Variants in CTNNA2 observed in about 807,000 individuals in gnomAD.
CTNNA2 encodes the protein catenin alpha 2, also known as catenin alpha-2.
CTNNA2 carries 42 observed loss-of-function variants against 101.0 expected under a neutral mutation model. The ratio of observed to expected loss-of-function variants is 0.42; its 90% CI spans 0.32 to 0.54. The LOEUF (loss-of-function observed/expected upper bound fraction) is 0.54, where lower values mean the gene tolerates loss of function less well. CTNNA2 is among the 20% of genes least tolerant of loss of function. CTNNA2 has a pLI of 0.14. For missense variants in CTNNA2, 871 were observed against 1,223.1 expected (o/e 0.71, Z 4.29); for synonymous variants, 450 against 456.4 (o/e 0.99, Z 0.18).
intron 1 of CTNNA2, among the ~76,000 whole-genome samples, chr2:79,644,765 A>G (rs909508197): frequency 5.3e-5 from 8 of 152,064 alleles, no homozygotes; most frequent in Non-Finnish European, 7.4e-5. Flanking sequence ...CTAGTCTAAC[A>G]TTCCTTTATA....
intron 7 of CTNNA2, among the ~76,000 whole-genome samples, chr2:79,939,590 T>A (rs1688009781): frequency 6.6e-6 from 1 of 152,226 alleles, no homozygotes; most frequent in Non-Finnish European, 1.5e-5. Context: ...TTTGTTTTCC[T>A]TGTTTGTAAT....
intron 7 of CTNNA2, among the ~76,000 whole-genome samples, chr2:80,207,395 T>A (rs1707599672): frequency 6.6e-6 from 1 of 152,140 alleles, no homozygotes; most frequent in Non-Finnish European, 1.5e-5. Flanking sequence ...GGAGATATGA[T>A]TTTATGTACT....
At position 79,294,833 on chromosome 2, in the gene CTNNA2, A is replaced by G. The variant is rs150425964; in HGVS notation, c.-405-17876A>G. On this transcript the variant is annotated intron_variant, in intron 2 of 21. Transcript: ENST00000466387. ...ATAATTCTATGTGTGACTATTCTGT[A>G]ATTTATTATCTATTGTGTCATTATC... Among the ~76,000 whole-genome samples the G allele has an allele frequency of 4.5e-3, 683 of 152,178 alleles. 5 individuals are homozygous for G. The highest frequency in any genetic ancestry group is 0.016 in the African/African-American group (654 of 41,530).
rs2103977248 is a variant in CTNNA2, at chr2:80,004,209, A to G, written c.1056+94412A>G. Among the ~76,000 whole-genome samples the G allele has an allele frequency of 1.3e-5, 2 of 152,316 alleles. 1 individual carries two copies. Among genetic ancestry groups the G allele is most frequent in the South Asian group, 4.1e-4 (2 of 4,826 alleles). ...GTCTCCTTTATATTTATTTGGGCGC[A>G]ATAACTATTTCTGAGGAGCATTTCA... On this transcript the variant is annotated intron_variant, in intron 7 of 18. Transcript: ENST00000402739.
intron 7 of CTNNA2, among the ~76,000 whole-genome samples, chr2:80,151,771 A>G (rs1367414782): frequency 1.3e-5 from 2 of 152,094 alleles, no homozygotes; most frequent in African/African-American, 2.4e-5. Flanking sequence ...GCACTACCCA[A>G]TGTTTCTGGC....
chr2:80,363,849 A>G (rs1007481812), intron 7 of CTNNA2, among the ~76,000 whole-genome samples: 3 of 152,132 alleles, frequency 2.0e-5, no homozygotes, highest in Non-Finnish European at 1.5e-5. Flanking sequence ...TATATCAACC[A>G]TTCATTAATC....
chr2:79,669,999 G>A (rs1558821624), intron 2 of CTNNA2, among the ~76,000 whole-genome samples: 2 of 152,204 alleles, frequency 1.3e-5, no homozygotes, highest in African/African-American at 2.4e-5. Context: ...CAGAGCAGAC[G>A]CTGGGAGGAG....
At chr2:79,187,087 A>C (rs1001418234) in intron 1 of CTNNA2, among the ~76,000 whole-genome samples, 5 of 152,080 alleles carry the variant, frequency 3.3e-5, no homozygotes, top group African/African-American at 1.2e-4. Flanking sequence ...TAATGGTGGA[A>C]TGGGGGTGTT....
At chr2:80,122,726 G>T (rs561102787) in intron 7 of CTNNA2, among the ~76,000 whole-genome samples, 1 of 152,124 alleles carries the variant, frequency 6.6e-6, no homozygotes, top group Non-Finnish European at 1.5e-5. Context: ...TATCGCCATA[G>T]GTACCTATGC....
chr2:80,559,878 T>TATCTATCTATCTATCTATCTATATATATA (rs1693393440), intron 12 of CTNNA2, among the ~76,000 whole-genome samples: 7 of 113,934 alleles, frequency 6.1e-5, no homozygotes, highest in African/African-American at 2.1e-4. Flanking sequence ...GATATCATAT[T>TATCTATCTATCTATCTATCTATATATATA]TATATATATA....
intron 2 of CTNNA2, among the ~76,000 whole-genome samples, chr2:79,199,078 T>A (rs1433450244): frequency 1.3e-5 from 2 of 152,236 alleles, no homozygotes; most frequent in Non-Finnish European, 2.9e-5. Flanking sequence ...TTATTCTGCA[T>A]CATTATCAGT....
In CTNNA2 at chr2:80,546,050, C is replaced by T; in HGVS notation, c.1527C>T (p.Phe509=). 2 of 1,613,918 alleles carry T rather than the reference C, an allele frequency of 1.2e-6. No homozygotes were observed. The highest frequency in any genetic ancestry group is 1.7e-6 in the Non-Finnish European group (2 of 1,179,952). ...AVDDITSVDD[F]LSVSENHILE... Reference sequence around the variant, plus strand: ...ATGACATCACCTCAGTGGATGACTTCCTCTCTGTCTCAGGTAATCATCACA... The same window carrying T: ...ATGACATCACCTCAGTGGATGACTTTCTCTCTGTCTCAGGTAATCATCACA... The change falls in exon 11 of 19, where the codon TTC becomes TTT. Residue 509 remains phenylalanine (F), a synonymous_variant. Transcript: ENST00000402739.
At chr2:79,433,641 A>C (rs1340079933) in intron 4 of CTNNA2, among the ~76,000 whole-genome samples, 1 of 151,452 alleles carries the variant, frequency 6.6e-6, no homozygotes, top group Non-Finnish European at 1.5e-5. Flanking sequence ...AAAAAAAAAA[A>C]AAAAAAACTC....
intron 2 of CTNNA2, among the ~76,000 whole-genome samples, chr2:79,678,942 A>C (rs2104627779): frequency 6.6e-6 from 1 of 152,264 alleles, no homozygotes; most frequent in Middle Eastern, 3.4e-3. Flanking sequence ...CTATAATGGA[A>C]TGTTTCTGCC....
intron 1 of CTNNA2, among the ~76,000 whole-genome samples, chr2:79,612,865 T>G (rs113902536): frequency 2.3e-3 from 347 of 152,282 alleles, no homozygotes; most frequent in African/African-American, 8.1e-3. Flanking sequence ...AAATTACATT[T>G]TCTGTGAAGT....
At chr2:79,743,772 G>C (rs1028667592) in intron 2 of CTNNA2, among the ~76,000 whole-genome samples, 1 of 152,242 alleles carries the variant, frequency 6.6e-6, no homozygotes, top group Middle Eastern at 3.4e-3. Context: ...GACCTCAGGC[G>C]ATCTGCCTGC....
At chr2:80,564,931 G>A (rs1415349271) in intron 12 of CTNNA2, among the ~76,000 whole-genome samples, 1 of 152,122 alleles carries the variant, frequency 6.6e-6, no homozygotes, top group East Asian at 1.9e-4. Context: ...GGCAGAGGAA[G>A]ATTGAAATTT....
rs79180694 is a variant in CTNNA2 at position 80,413,641 on chromosome 2, C to T, written c.1138-5808C>T. On this transcript the variant is annotated intron_variant, in intron 8 of 18. Coordinates refer to ENST00000402739, the MANE Select transcript of CTNNA2 (RefSeq NM_001282597.3). ...TTCAGACTGGCTAAACTTTGCCAGACTTAATGAAGCTCACTACTTGTCAAG... is the reference window on the plus strand; with the variant it reads ...TTCAGACTGGCTAAACTTTGCCAGATTTAATGAAGCTCACTACTTGTCAAG... Among the ~76,000 whole-genome samples, 809 of 152,314 alleles carry T rather than the reference C, an allele frequency of 5.3e-3. 3 individuals are homozygous for T. The highest frequency in any genetic ancestry group is 8.6e-3 in the Non-Finnish European group (583 of 68,022).
intron 3 of CTNNA2, among the ~76,000 whole-genome samples, chr2:79,804,164 A>AT (rs1676381595): frequency 6.6e-6 from 1 of 152,240 alleles, no homozygotes; most frequent in African/African-American, 2.4e-5. Flanking sequence ...AAACACACCT[A>AT]TTTTTTTCAA....
Sources: allele counts gnomAD v4.1 joint callset (sites outside exome capture counted in the v4.1 genomes callset), GRCh38; gene constraint gnomAD v4.1.1; transcripts MANE v1.5; gene names NCBI Gene and HGNC (gene_info 2026-07-23, HGNC 2026-07-21).